Variants in PCDH11X observed in about 807,000 individuals in gnomAD.
PCDH11X encodes the protein protocadherin-11 X-linked.
In PCDH11X, 18 loss-of-function variants were observed where a neutral mutation model predicts 53.3. The ratio of observed to expected loss-of-function variants is 0.34; its 90% CI spans 0.23 to 0.50. The LOEUF is 0.50. Among genes scored for constraint, PCDH11X ranks in the 20% least tolerant of loss-of-function variants. The pLI is 0.98. For synonymous variants in PCDH11X, 279 were observed against 393.3 expected (o/e 0.71, Z 3.44); for missense variants, 570 against 1,032.4 (o/e 0.55, Z 6.14).
At chrX:91,819,448 C>T (rs1936563515) in intron 4 of PCDH11X, among the ~76,000 whole-genome samples, 1 of 110,291 alleles carries the variant, frequency 9.1e-6, no homozygotes, top group African/African-American at 3.3e-5. Flanking sequence ...ATAAAATATA[C>T]TCTTACCAGA....
intron 6 of PCDH11X, among the ~76,000 whole-genome samples, chrX:92,131,643 G>T (rs2064973600): frequency 1.8e-5 from 2 of 111,697 alleles, no homozygotes; most frequent in South Asian, 7.5e-4. Flanking sequence ...TCCATTTAAA[G>T]ACATAAGTGA....
At chrX:92,153,798 A>G (rs2065481232) in intron 6 of PCDH11X, among the ~76,000 whole-genome samples, 1 of 110,679 alleles carries the variant, frequency 9.0e-6, no homozygotes, top group Non-Finnish European at 1.9e-5. Context: ...AATTCTAAGG[A>G]AACAACAGAT....
chrX:91,784,106 T>C (rs1452519040), intron 1 of PCDH11X, among the ~76,000 whole-genome samples: 1 of 112,081 alleles, frequency 8.9e-6, no homozygotes, highest in Non-Finnish European at 1.9e-5. Context: ...TATATGTGTG[T>C]TTTGTAGACC....
At chrX:91,827,447 C>CTCTTAAATTTAATTAGATCCCATT (rs1936961176) in intron 4 of PCDH11X, among the ~76,000 whole-genome samples, 1 of 111,370 alleles carries the variant, frequency 9.0e-6, no homozygotes, top group African/African-American at 3.3e-5. Context: ...TCTGCAGAAG[C>CTCTTAAATTTAATTAGATCCCATT]TCTTAAATTT....
chrX:91,854,694 G>T (rs1251270012), intron 5 of PCDH11X, among the ~76,000 whole-genome samples: 1 of 111,638 alleles, frequency 9.0e-6, no homozygotes, highest in African/African-American at 3.3e-5. Flanking sequence ...AAAAGCCAGG[G>T]GGTGAGATAA....
chrX:92,002,665 G>A (rs1398027896), intron 6 of PCDH11X, among the ~76,000 whole-genome samples: 1 of 108,590 alleles, frequency 9.2e-6, no homozygotes, highest in African/African-American at 3.3e-5. Context: ...ATTGTAAATA[G>A]GACTAATTTT....
intron 6 of PCDH11X, among the ~76,000 whole-genome samples, chrX:91,906,281 A>G (rs1053741190): frequency 1.8e-4 from 20 of 111,590 alleles, no homozygotes; most frequent in African/African-American, 6.2e-4. Flanking sequence ...CAAATAAGCA[A>G]TTATACACTG....
chrX:92,262,496 A>G (rs1247567046), intron 7 of PCDH11X, among the ~76,000 whole-genome samples: 1 of 111,192 alleles, frequency 9.0e-6, no homozygotes, highest in Non-Finnish European at 1.9e-5. Flanking sequence ...GTTGAGGGAG[A>G]AAAAAAAGTC....
At chrX:92,506,202 T>C (rs1357281190) in intron 10 of PCDH11X, among the ~76,000 whole-genome samples, 2 of 66,227 alleles carry the variant, frequency 3.0e-5, no homozygotes, top group African/African-American at 5.5e-5. Flanking sequence ...TTTGGATACA[T>C]TTTCTTTTCT....
chrX:92,248,668 G>A (rs1427294333), intron 7 of PCDH11X, among the ~76,000 whole-genome samples: 1 of 111,340 alleles, frequency 9.0e-6, no homozygotes, highest in African/African-American at 3.3e-5. Flanking sequence ...AACATAGATT[G>A]AAGGAATAAG....
intron 6 of PCDH11X, among the ~76,000 whole-genome samples, chrX:92,179,708 C>A (rs143353329): frequency 8.9e-6 from 1 of 111,854 alleles, no homozygotes; most frequent in African/African-American, 3.3e-5. Flanking sequence ...TCATAGAGTC[C>A]TTTTGAGCTT....
At chrX:92,476,658 C>G (rs1332504660) in intron 10 of PCDH11X, among the ~76,000 whole-genome samples, 1 of 57,657 alleles carries the variant, frequency 1.7e-5, no homozygotes, top group Non-Finnish European at 3.0e-5. Context: ...TTATTGTTAT[C>G]TTTGCGGTAG....
intron 6 of PCDH11X, among the ~76,000 whole-genome samples, chrX:91,974,759 C>T (rs1569286828): frequency 4.8e-5 from 5 of 104,874 alleles, no homozygotes; most frequent in Non-Finnish European, 3.9e-5. Context: ...TTTTTCTTTT[C>T]TTTTTTTTTT....
At chrX:92,354,595 C>A (rs2070144512) in intron 8 of PCDH11X, among the ~76,000 whole-genome samples, 1 of 111,517 alleles carries the variant, frequency 9.0e-6, no homozygotes, top group Non-Finnish European at 1.9e-5. Context: ...GCTTAGGTCT[C>A]TTGATTCATT....
At chrX:92,181,580 G>T (rs369838960) in intron 6 of PCDH11X, among the ~76,000 whole-genome samples, 1 of 111,487 alleles carries the variant, frequency 9.0e-6, no homozygotes, top group African/African-American at 3.3e-5. Flanking sequence ...AGAGACCTAG[G>T]AGGAAAAATG....
intron 6 of PCDH11X, among the ~76,000 whole-genome samples, chrX:92,157,562 T>C (rs939928444): frequency 9.0e-6 from 1 of 111,641 alleles, no homozygotes; most frequent in Non-Finnish European, 1.9e-5. Context: ...TTAAAGCACG[T>C]CAGGGAAATA....
At chrX:92,280,916 A>T (rs1362820590) in intron 8 of PCDH11X, among the ~76,000 whole-genome samples, 1 of 111,502 alleles carries the variant, frequency 9.0e-6, no homozygotes, top group Non-Finnish European at 1.9e-5. Context: ...GGAAAAATAA[A>T]CATTGTTTTC....
At position 91,849,148 on chromosome X, in the gene PCDH11X, T is replaced by A. The variant is rs774659146; in HGVS notation, c.540+13104T>A. Among the ~76,000 whole-genome samples the A allele has an allele frequency of 1.9e-4, 21 of 111,893 alleles. No homozygotes were observed. The South Asian group carries it at 7.5e-3, about 40-fold the overall frequency. ...AATAAAAATCAAGTTAAATACAAGA[T>A]GTGGTATAGAGTTCAGTTAGCTTAA... On this transcript the variant is annotated intron_variant, in intron 5 of 10. Transcript: ENST00000682573.
intron 6 of PCDH11X, among the ~76,000 whole-genome samples, chrX:92,160,546 T>G (rs1048152047): frequency 9.1e-6 from 1 of 109,665 alleles, no homozygotes; most frequent in African/African-American, 3.3e-5. Flanking sequence ...AGATTCTTTA[T>G]CCACTCGTTG....
Sources: allele counts gnomAD v4.1 joint callset (sites outside exome capture counted in the v4.1 genomes callset), GRCh38; gene constraint gnomAD v4.1.1; transcripts MANE v1.5; gene names NCBI Gene and HGNC (gene_info 2026-07-23, HGNC 2026-07-21).